The following CSMD1 variants were observed in gnomAD, a reference collection of about 807,000 sequenced individuals.
The protein encoded by CSMD1 is CUB and sushi domain-containing protein 1.
CSMD1 carries 213 observed loss-of-function variants against 417.5 expected under a neutral mutation model. The ratio of observed to expected loss-of-function variants is 0.51; its 90% CI spans 0.46 to 0.57. The LOEUF is 0.57. Among genes scored for constraint, CSMD1 ranks in the 20% least tolerant of loss-of-function variants. The probability of loss-of-function intolerance (pLI) is 0.00; values close to 1 mark genes in which losing one functional copy is unlikely to be tolerated. For missense variants in CSMD1, 6,923 were observed against 4,529.7 expected (o/e 1.53, Z -15.17); for synonymous variants, 2,862 against 1,736.8 (o/e 1.65, Z -16.11).
In CSMD1 at chr8:3,542,359, G is replaced by C. The variant is rs555282883; in HGVS notation, c.1344+32586C>G. Among the ~76,000 whole-genome samples the C allele has an allele frequency of 6.6e-5, 10 of 152,280 alleles. No homozygotes were observed. The South Asian group carries it at 1.9e-3, about 28-fold the overall frequency. On this transcript the variant is annotated intron_variant, in intron 10 of 69. Transcript: ENST00000635120. ...TTCAGAATCTTCAATTCTGAAGATAGGTAATTAGTTATTTTATTTTACAAA... is the reference window on the plus strand; with the variant it reads ...TTCAGAATCTTCAATTCTGAAGATACGTAATTAGTTATTTTATTTTACAAA...
chr8:3,647,403 G>C (rs1390010447), intron 7 of CSMD1, among the ~76,000 whole-genome samples: 1 of 146,612 alleles, frequency 6.8e-6, no homozygotes, highest in Non-Finnish European at 1.5e-5. Flanking sequence ...AAGAGAAATA[G>C]AACACAAAGA....
intron 26 of CSMD1, among the ~76,000 whole-genome samples, chr8:3,263,680 A>G (rs1191789253): frequency 6.6e-6 from 1 of 152,240 alleles, no homozygotes; most frequent in African/African-American, 2.4e-5. Context: ...TAAAAATAGG[A>G]TAAGTGAATA....
At chr8:3,615,977 T>C (rs1346339004) in intron 8 of CSMD1, among the ~76,000 whole-genome samples, 1 of 152,186 alleles carries the variant, frequency 6.6e-6, no homozygotes, top group Non-Finnish European at 1.5e-5. Flanking sequence ...AAAATCAGTA[T>C]CTAGTTCACC....
At chr8:4,816,578 C>A (rs1404416936) in intron 1 of CSMD1, among the ~76,000 whole-genome samples, 1 of 152,116 alleles carries the variant, frequency 6.6e-6, no homozygotes, top group Non-Finnish European at 1.5e-5. Flanking sequence ...TAATCAAGAG[C>A]CTTCTGAGTG....
chr8:4,698,834 A>G (rs1416646117), intron 1 of CSMD1, among the ~76,000 whole-genome samples: 1 of 151,984 alleles, frequency 6.6e-6, no homozygotes, highest in African/African-American at 2.4e-5. Context: ...CAACCAGGAA[A>G]ATCCTAACCA....
intron 3 of CSMD1, among the ~76,000 whole-genome samples, chr8:4,365,481 C>T (rs1336530353): frequency 6.6e-6 from 1 of 152,180 alleles, no homozygotes; most frequent in Non-Finnish European, 1.5e-5. Context: ...TCCAAGTCTA[C>T]TGGCCTTAGG....
intron 3 of CSMD1, among the ~76,000 whole-genome samples, chr8:4,112,267 G>A (rs1344047397): frequency 6.6e-6 from 1 of 152,118 alleles, no homozygotes; most frequent in Non-Finnish European, 1.5e-5. Flanking sequence ...ATCAATGAAT[G>A]TCTCTGATAC....
At chr8:4,862,397 T>C (rs1384133236) in intron 1 of CSMD1, among the ~76,000 whole-genome samples, 1 of 152,096 alleles carries the variant, frequency 6.6e-6, no homozygotes, top group African/African-American at 2.4e-5. Context: ...TTTCAAAGAA[T>C]CACTGTAGCT....
intron 3 of CSMD1, among the ~76,000 whole-genome samples, chr8:4,319,603 C>T (rs914659885): frequency 2.6e-5 from 4 of 151,938 alleles, no homozygotes; most frequent in African/African-American, 7.3e-5. Flanking sequence ...AGTGGTGATT[C>T]CTGAGAGAAG....
chr8:4,777,268 A>T (rs1227707304), intron 1 of CSMD1, among the ~76,000 whole-genome samples: 2 of 152,242 alleles, frequency 1.3e-5, no homozygotes, highest in African/African-American at 4.8e-5. Context: ...AGGCAGTGCG[A>T]GAAACAATTA....
chr8:3,556,008 G>A (rs79724778), intron 10 of CSMD1, among the ~76,000 whole-genome samples: 6,726 of 152,078 alleles, frequency 0.044, 165 homozygotes, highest in East Asian at 0.069. Flanking sequence ...TCCCATTCAA[G>A]GACAGAACAA....
At chr8:4,103,171 A>G (rs1801392695) in intron 3 of CSMD1, among the ~76,000 whole-genome samples, 1 of 152,162 alleles carries the variant, frequency 6.6e-6, no homozygotes, top group South Asian at 2.1e-4. Context: ...GCCAGTCAGC[A>G]CAAAACCAGT....
At chr8:4,621,319 G>C (rs1801765929) in intron 2 of CSMD1, among the ~76,000 whole-genome samples, 1 of 151,952 alleles carries the variant, frequency 6.6e-6, no homozygotes, top group Non-Finnish European at 1.5e-5. Flanking sequence ...AAGAAGGTCA[G>C]GTGTGGAATT....
At chr8:4,389,116 T>G (rs1803668250) in intron 3 of CSMD1, among the ~76,000 whole-genome samples, 1 of 152,238 alleles carries the variant, frequency 6.6e-6, no homozygotes, top group Admixed American at 6.5e-5. Context: ...CTGTACAGAA[T>G]GATAAATATT....
intron 10 of CSMD1, among the ~76,000 whole-genome samples, chr8:3,573,707 A>G (rs1192324968): frequency 6.6e-6 from 1 of 152,180 alleles, no homozygotes; most frequent in East Asian, 1.9e-4. Flanking sequence ...TATAAATAAG[A>G]TGGATATTTT....
intron 1 of CSMD1, among the ~76,000 whole-genome samples, chr8:4,823,837 G>T (rs931733710): frequency 6.6e-6 from 1 of 151,994 alleles, no homozygotes; most frequent in South Asian, 2.1e-4. Context: ...AGAGGTTGAA[G>T]ATAAATGAGG....
At chr8:4,322,301 T>G (rs1799314727) in intron 3 of CSMD1, among the ~76,000 whole-genome samples, 1 of 151,222 alleles carries the variant, frequency 6.6e-6, no homozygotes, top group South Asian at 2.2e-4. Context: ...TTTCATGTTA[T>G]CTGCATATTT....
At chr8:4,022,349 A>G (rs1585149085) in intron 4 of CSMD1, among the ~76,000 whole-genome samples, 1 of 152,198 alleles carries the variant, frequency 6.6e-6, no homozygotes, top group East Asian at 1.9e-4. Context: ...AGAAGTGAAT[A>G]GCATACTTAA....
At chr8:4,427,209 C>G (rs1354387445) in intron 2 of CSMD1, among the ~76,000 whole-genome samples, 1 of 152,112 alleles carries the variant, frequency 6.6e-6, no homozygotes, top group South Asian at 2.1e-4. Context: ...CTAACGATTC[C>G]TGAGCCCAAG....
Sources: gnomAD v4.1 joint callset for allele counts (sites outside exome capture counted in the v4.1 genomes callset) on GRCh38, gnomAD v4.1.1 for gene constraint, MANE v1.5 for transcripts, NCBI Gene and HGNC (gene_info 2026-07-23, HGNC 2026-07-21) for gene names.